The following HTR2C variants were observed in gnomAD, a reference collection of about 807,000 sequenced individuals.
The protein encoded by HTR2C is 5-hydroxytryptamine receptor 2C.
Under a neutral mutation model 21.0 loss-of-function variants are expected in HTR2C, and 5 were observed. The ratio of observed to expected loss-of-function variants is 0.24; its 90% CI spans 0.12 to 0.50. HTR2C has a LOEUF of 0.50. Among genes scored for constraint, HTR2C ranks in the 20% least tolerant of loss-of-function variants. The pLI is 0.98. For missense variants in HTR2C, 271 were observed against 371.2 expected, an observed-to-expected ratio of 0.73 and a Z score of 2.22; for synonymous variants, 150 against 145.3, an observed-to-expected ratio of 1.03 and a Z score of -0.23.
intron 4 of HTR2C, among the ~76,000 whole-genome samples, chrX:114,795,915 G>A (rs1556445166): frequency 8.9e-6 from 1 of 111,738 alleles, no homozygotes; most frequent in Admixed American, 9.6e-5. Context: ...TCTCATATTT[G>A]TTGTGCTGAC....
chrX:114,681,498 C>A (rs1376423610), intron 2 of HTR2C, among the ~76,000 whole-genome samples: 2 of 110,641 alleles, frequency 1.8e-5, no homozygotes, highest in Admixed American at 9.8e-5. Flanking sequence ...AGTGGCAGAG[C>A]AAGTTTTAGC....
At chrX:114,806,831 C>T (rs1556450166) in intron 4 of HTR2C, among the ~76,000 whole-genome samples, 2 of 99,752 alleles carry the variant, frequency 2.0e-5, no homozygotes, top group South Asian at 4.5e-4. Flanking sequence ...TATATATATA[C>T]ACCACATATA....
At chrX:114,753,523 T>C (rs1347436062) in intron 4 of HTR2C, among the ~76,000 whole-genome samples, 1 of 111,692 alleles carries the variant, frequency 9.0e-6, no homozygotes, top group Admixed American at 9.5e-5. Context: ...CATGATGTAA[T>C]TGTTTTTGTA....
chrX:114,830,281 C>G (rs2070710042), intron 4 of HTR2C, among the ~76,000 whole-genome samples: 1 of 111,366 alleles, frequency 9.0e-6, no homozygotes, highest in Non-Finnish European at 1.9e-5. Context: ...CCTGGGAAGA[C>G]AGTATTTTTC....
intron 2 of HTR2C, among the ~76,000 whole-genome samples, chrX:114,626,103 C>T (rs782248321): frequency 1.8e-5 from 2 of 110,205 alleles, no homozygotes; most frequent in East Asian, 2.8e-4. Flanking sequence ...AGGCAGATGC[C>T]GATTTGGTGG....
intron 2 of HTR2C, among the ~76,000 whole-genome samples, chrX:114,631,105 G>A (rs2147817594): frequency 9.0e-6 from 1 of 111,188 alleles, no homozygotes; most frequent in East Asian, 2.9e-4. Context: ...AGAGATCAAG[G>A]CCATGCTGGC....
chrX:114,716,991 A>G (rs1191098828), intron 2 of HTR2C, among the ~76,000 whole-genome samples: 2 of 111,937 alleles, frequency 1.8e-5, no homozygotes, highest in African/African-American at 6.5e-5. Flanking sequence ...GATAAAAATC[A>G]AACTTCTATA....
intron 4 of HTR2C, chrX:114,775,971 T>C: frequency 2.6e-6 from 1 of 384,290 alleles, no homozygotes; most frequent in East Asian, 4.5e-5. Context: ...AGAGTATGCT[T>C]AGTGTGTTCA....
At chrX:114,716,141 T>C (rs782436296) in intron 2 of HTR2C, among the ~76,000 whole-genome samples, 1 of 112,951 alleles carries the variant, frequency 8.9e-6, no homozygotes, top group African/African-American at 3.2e-5. Context: ...CAGATAGTTC[T>C]GCTACCACCT....
chrX:114,657,333 T>C (rs1930818851), intron 2 of HTR2C, among the ~76,000 whole-genome samples: 1 of 111,189 alleles, frequency 9.0e-6, no homozygotes, highest in Non-Finnish European at 1.9e-5. Flanking sequence ...GGTATTTATC[T>C]TAACTACTTA....
intron 4 of HTR2C, among the ~76,000 whole-genome samples, chrX:114,817,371 T>A (rs2070595204): frequency 1.8e-5 from 2 of 111,669 alleles, no homozygotes; most frequent in Non-Finnish European, 3.8e-5. Context: ...AATGTGTTCA[T>A]AACACAAAAC....
At chrX:114,684,104 G>A (rs1269771687) in intron 2 of HTR2C, among the ~76,000 whole-genome samples, 4 of 111,157 alleles carry the variant, frequency 3.6e-5, no homozygotes, top group Admixed American at 2.9e-4. Context: ...TATATTGAGA[G>A]CCCTTTGAGA....
chrX:114,598,176 T>C (rs782566098), intron 1 of HTR2C, among the ~76,000 whole-genome samples: 2 of 111,681 alleles, frequency 1.8e-5, no homozygotes, highest in South Asian at 7.5e-4. Flanking sequence ...AGAAAAGAGA[T>C]TGCATGGGAT....
chrX:114,642,977 A>G (rs1556406765), intron 2 of HTR2C, among the ~76,000 whole-genome samples: 3 of 111,386 alleles, frequency 2.7e-5, no homozygotes, highest in African/African-American at 9.8e-5. Context: ...TAAATCAAGA[A>G]AAAAATTCAA....
chrX:114,620,994 C>A (rs1189819971), intron 2 of HTR2C, among the ~76,000 whole-genome samples: 1 of 111,849 alleles, frequency 8.9e-6, no homozygotes, highest in Non-Finnish European at 1.9e-5. Flanking sequence ...GATTCTCCTG[C>A]CTCAACCTCC....
At chrX:114,731,646 G>T (rs1314472283) in intron 4 of HTR2C, 39 bp downstream of exon 4, 1 of 984,997 alleles carries the variant, frequency 1.0e-6, no homozygotes, top group Non-Finnish European at 1.4e-6. Flanking sequence ...CTCGTATAAT[G>T]TCATAAATTT....
intron 4 of HTR2C, among the ~76,000 whole-genome samples, chrX:114,788,053 ATCCTG>A (rs1218183746): frequency 9.0e-6 from 1 of 111,083 alleles, no homozygotes; most frequent in Non-Finnish European, 1.9e-5. Context: ...GAATGAGAAA[ATCCTG>A]TTAAAGTTCA....
chrX:114,863,338 G>A (rs1437328602), intron 5 of HTR2C, among the ~76,000 whole-genome samples: 1 of 111,145 alleles, frequency 9.0e-6, no homozygotes, highest in East Asian at 2.8e-4. Flanking sequence ...CCTTTGATAT[G>A]TTGTGTTTCT....
chrX:114,779,045 A>G (rs1157541816), intron 4 of HTR2C, among the ~76,000 whole-genome samples: 1 of 111,946 alleles, frequency 8.9e-6, no homozygotes. Context: ...TAGGCTCCCC[A>G]GGATTCCATT....
Sources: gnomAD v4.1 joint callset for allele counts (sites outside exome capture counted in the v4.1 genomes callset) on GRCh38, gnomAD v4.1.1 for gene constraint, MANE v1.5 for transcripts, NCBI Gene and HGNC (gene_info 2026-07-23, HGNC 2026-07-21) for gene names.